Variants in RABL6 observed in about 807,000 individuals in gnomAD.
RABL6 encodes the protein rab-like protein 6.
Under a neutral mutation model 72.9 loss-of-function variants are expected in RABL6, and 28 were observed. The ratio of observed to expected loss-of-function variants is 0.38; its 90% confidence interval spans 0.28 to 0.53. The LOEUF is 0.53. Ranked by LOEUF, RABL6 falls within the 20% of genes least tolerant of loss-of-function variation. The pLI, the probability that RABL6 is intolerant of heterozygous loss-of-function variation, is 0.80. For missense variants in RABL6, 1,029 were observed against 1,008.4 expected (o/e 1.02, Z -0.28); for synonymous variants, 477 against 421.2 (o/e 1.13, Z -1.62).
chr9:136,813,211 GC>G, intron 1 of RABL6: 2 of 517,466 alleles, frequency 3.9e-6, no homozygotes, highest in South Asian at 1.7e-5. Flanking sequence ...TGATTGCCCT[GC>G]CCCCAGTTTC....
intron 1 of RABL6, chr9:136,813,258 C>T (rs924885453): frequency 5.4e-6 from 3 of 556,302 alleles, no homozygotes; most frequent in East Asian, 3.5e-5. Flanking sequence ...GCTTTATCAT[C>T]TTCAAATGAA....
rs1848351718 is a variant in RABL6, at chr9:136,826,141, C to T, written c.313+315C>T. On this transcript the variant is annotated intron_variant, in intron 3 of 14. Transcript: ENST00000311502. The surrounding 1 kb of genome is among the most constrained non-coding windows in gnomAD (Gnocchi z 4.9). ...AGGGTGCTATTTTGGGAGCCCTCCT[C>T]CTGCACTGCCTGGCGGAGTAGCCCA... 6.6e-6 allele frequency among the ~76,000 whole-genome samples: 1 copy of T among 152,180 alleles called. No individual in the cohort carries two copies. Among genetic ancestry groups the T allele is most frequent in the South Asian group, 2.1e-4 (1 of 4,838 alleles).
At chr9:136,831,195 G>T (rs543451022) in intron 5 of RABL6, among the ~76,000 whole-genome samples, 1 of 152,186 alleles carries the variant, frequency 6.6e-6, no homozygotes, top group African/African-American at 2.4e-5. Flanking sequence ...GCAGTTCCAC[G>T]CCAGGCAGAC....
intron 1 of RABL6, chr9:136,813,249 C>T: frequency 5.4e-6 from 3 of 550,786 alleles, no homozygotes; most frequent in South Asian, 5.0e-5. Flanking sequence ...TTTAAAGCTG[C>T]TTTATCATCT....
At chr9:136,821,703 GC>G in intron 1 of RABL6, 1 of 1,016,924 alleles carries the variant, frequency 9.8e-7, no homozygotes, top group Non-Finnish European at 1.2e-6. Flanking sequence ...TGCGCTGAGC[GC>G]CTGCGGCTCC....
At chr9:136,830,685 A>G (rs984670829) in intron 5 of RABL6, among the ~76,000 whole-genome samples, 13 of 152,272 alleles carry the variant, frequency 8.5e-5, no homozygotes, top group African/African-American at 1.7e-4. Context: ...CTGCTGCCAC[A>G]GGAACGGCCT....
intron 1 of RABL6, among the ~76,000 whole-genome samples, chr9:136,819,911 A>G (rs956261488): frequency 6.6e-5 from 10 of 151,840 alleles, no homozygotes; most frequent in Admixed American, 5.2e-4. Flanking sequence ...AAAAAATAGT[A>G]AAAAAACTAG....
chr9:136,808,442 C>A, intron 1 of RABL6, 116 bp downstream of exon 1: 1 of 1,148,176 alleles, frequency 8.7e-7, no homozygotes, highest in Non-Finnish European at 1.1e-6. Context: ...GTGGGGTGCG[C>A]TGGGCCCGCC....
At chr9:136,816,656 G>A (rs1338901309) in intron 1 of RABL6, among the ~76,000 whole-genome samples, 1 of 148,250 alleles carries the variant, frequency 6.7e-6, no homozygotes, top group Non-Finnish European at 1.5e-5. Flanking sequence ...GGTGGAGGTT[G>A]CAGTGGGTCG....
Position 136,808,345 on chromosome 9 carries a change from G to A in RABL6, c.130+19G>A, listed in dbSNP as rs752020818. The A allele has an allele frequency of 8.0e-6, 12 of 1,500,866 alleles. No individual in the cohort carries two copies. The highest frequency in any genetic ancestry group is 8.0e-6 in the Non-Finnish European group (9 of 1,126,686). The allele number at this position is 1,500,866 out of a possible 1,614,324, so 93.0% of individuals were successfully genotyped here. On this transcript the variant is annotated intron_variant, in intron 1 of 14. Coordinates refer to ENST00000311502, the MANE Select transcript of RABL6 (RefSeq NM_024718.5). ...TACAACAGTGAGTGCGGCGGGCCGG[G>A]GGGGCGCGGGAGCGCCGCGCGGGTC...
chr9:136,818,349 C>G (rs540134326), intron 1 of RABL6, among the ~76,000 whole-genome samples: 79 of 114,646 alleles, frequency 6.9e-4, no homozygotes, highest in African/African-American at 2.7e-3. Context: ...GGCAACAAAA[C>G]CAGACTCTGT....
At position 136,826,947 on chromosome 9, in the gene RABL6, T is replaced by C. The variant is rs1848372165; in HGVS notation, c.313+1121T>C. On this transcript the variant is annotated intron_variant, in intron 3 of 14. Transcript: ENST00000311502. This position sits in a 1 kb window ranked among gnomAD's most constrained non-coding sequence, Gnocchi z 4.9. ...TAGACACGGTTGCCCAGAGTGGGGT[T>C]CATAACTGGGCACTGTAAAGGGTGT... 1 of 152,208 alleles carries C rather than the reference T, an allele frequency of 6.6e-6. No homozygotes were observed. The highest frequency in any genetic ancestry group is 2.4e-5 in the African/African-American group (1 of 41,428). 9.4% of individuals were successfully genotyped at this position (152,208 alleles called of 1,614,324 possible).
At chr9:136,811,921 C>T (rs1443797400) in intron 1 of RABL6, among the ~76,000 whole-genome samples, 1 of 152,210 alleles carries the variant, frequency 6.6e-6, no homozygotes, top group Non-Finnish European at 1.5e-5. Flanking sequence ...TGGCCTGAAC[C>T]AGTCTTTCAG....
chr9:136,829,964 G>T (rs1466793768), intron 5 of RABL6, among the ~76,000 whole-genome samples: 1 of 152,242 alleles, frequency 6.6e-6, no homozygotes, highest in South Asian at 2.1e-4. Context: ...CTGTGGAGTC[G>T]CATGGGATCC....
intron 1 of RABL6, among the ~76,000 whole-genome samples, chr9:136,810,478 G>A (rs182704925): frequency 6.6e-6 from 1 of 152,298 alleles, no homozygotes; most frequent in East Asian, 1.9e-4. Context: ...TGAATAACAT[G>A]CAATTTTAAA....
At chr9:136,824,980 G>T (rs1407693764) in intron 2 of RABL6, among the ~76,000 whole-genome samples, 2 of 152,194 alleles carry the variant, frequency 1.3e-5, no homozygotes, top group Non-Finnish European at 2.9e-5. Flanking sequence ...AGGGCCCCGG[G>T]CGTGCCTCTC....
chr9:136,832,126 G>T (rs1848489596), intron 6 of RABL6, 139 bp from the exon 7 acceptor site: 4 of 913,744 alleles, frequency 4.4e-6, no homozygotes, highest in Non-Finnish European at 6.7e-6. Flanking sequence ...TGCTTAGCAG[G>T]GCTCAGCAGG....
At chr9:136,823,299 TC>T (rs1363458355) in intron 1 of RABL6, among the ~76,000 whole-genome samples, 2 of 152,146 alleles carry the variant, frequency 1.3e-5, no homozygotes, top group African/African-American at 4.8e-5. Context: ...TGGGCCCGGT[TC>T]GCCGTTGATG....
chr9:136,815,187 T>G, intron 1 of RABL6: 1 of 333,850 alleles, frequency 3.0e-6, no homozygotes, highest in Non-Finnish European at 5.9e-6. Flanking sequence ...TTGCCGTTCT[T>G]TGCCCCCTTG....
Sources: allele counts gnomAD v4.1 joint callset (sites outside exome capture counted in the v4.1 genomes callset), GRCh38; gene constraint gnomAD v4.1.1; non-coding constraint Gnocchi (gnomAD v3.1); transcripts MANE v1.5; gene names NCBI Gene and HGNC (gene_info 2026-07-23, HGNC 2026-07-21).